DGKZ: variants seen among roughly 807,000 people sequenced by gnomAD.
DGKZ encodes the protein diacylglycerol kinase zeta.
Under a neutral mutation model 142.5 loss-of-function variants are expected in DGKZ, and 45 were observed. The observed-to-expected ratio is 0.32, with a 90% confidence interval of 0.25 to 0.40. DGKZ has a LOEUF of 0.40. Ranked by LOEUF, DGKZ falls within the 10% of genes least tolerant of loss-of-function variation. The probability of loss-of-function intolerance (pLI) is 1.00; values close to 1 mark genes in which losing one functional copy is unlikely to be tolerated. For synonymous variants in DGKZ, 442 were observed against 527.0 expected (o/e 0.84, Z 2.21); for missense variants, 755 against 1,306.5 (o/e 0.58, Z 6.51).
rs76583617 is a variant in DGKZ, at chr11:46,379,558, C to G, written c.2678C>G (p.Thr893Arg). 9,407 of 1,609,084 alleles carry G rather than the reference C, an allele frequency of 5.8e-3. 42 individuals carry two copies. The highest frequency in any genetic ancestry group is 7.2e-3 in the Non-Finnish European group (8,516 of 1,178,346). The change falls in exon 30 of 31, where the codon ACA (threonine) becomes AGA (arginine). Residue 893 changes from threonine (T) to arginine (R), a missense_variant. Physicochemically the swap from Thr to Arg is moderately conservative, Grantham distance 71. Around this residue, in one of 8 missense-constraint regions of DGKZ, gnomAD observed 100 missense variants for 87.7 expected, o/e 1.14. Transcript: ENST00000527911. ...GAGGCCGGGGCCTCGCTCATGAAGA[C>G]AGACCAGCAGGTGAGCAGACGGCAG... is the stretch of plus-strand genomic sequence containing the variant.
At chr11:46,349,362 G>A (rs1212140993) in intron 1 of DGKZ, among the ~76,000 whole-genome samples, 1 of 152,172 alleles carries the variant, frequency 6.6e-6, no homozygotes, top group Non-Finnish European at 1.5e-5. Context: ...CGCCACCAGA[G>A]GCTTCCTGTT....
rs574786990 is a variant in DGKZ, at chr11:46,376,009, C to T, written c.2012-57C>T. The stretch of plus-strand genomic sequence containing the variant: ...CAGGAGGGGCTGAAGCAGCCGGGGC[C>T]CCCTTGGGCAGGGCTGTGGGGTGCA... On this transcript the variant is annotated intron_variant, in intron 21 of 30. Coordinates refer to ENST00000527911, the Ensembl canonical transcript of DGKZ. 9.3e-4 allele frequency: 1,500 copies of T among 1,611,800 alleles called. 28 individuals carry two copies. In the South Asian group the frequency reaches 0.016, roughly 17 times the overall value.
intron 1 of DGKZ, among the ~76,000 whole-genome samples, chr11:46,339,337 A>G (rs1463228361): frequency 6.6e-6 from 1 of 152,240 alleles, no homozygotes; most frequent in Non-Finnish European, 1.5e-5. Flanking sequence ...TGAATTAACA[A>G]TGCAAAACCA....
chr11:46,366,283 C>A, intron 1 of DGKZ: 2 of 1,583,566 alleles, frequency 1.3e-6, no homozygotes. Flanking sequence ...GGAGACATTT[C>A]CGGGGGAAGG....
chr11:46,358,197 C>T (rs781126413), intron 1 of DGKZ, among the ~76,000 whole-genome samples: 10 of 152,168 alleles, frequency 6.6e-5, no homozygotes, highest in Non-Finnish European at 1.5e-4. Flanking sequence ...CGAATCTAGG[C>T]AGGGGCCCCA....
chr11:46,354,215 C>T (rs921178765), intron 1 of DGKZ, among the ~76,000 whole-genome samples: 13 of 152,224 alleles, frequency 8.5e-5, no homozygotes, highest in African/African-American at 2.4e-4. Context: ...GACACAGGAT[C>T]TCCCTCTGTC....
rs1193459251 is a variant in DGKZ at position 46,366,960 on chromosome 11, CCCAGGCCT to C, written c.162-330_162-323del. 3.3e-6 allele frequency: 5 copies of C among 1,536,220 alleles called. No homozygotes were observed. In the African/African-American group the frequency reaches 6.8e-5, roughly 21 times the overall value. The stretch of plus-strand genomic sequence containing the variant: ...GCCCTACGGCGCAAGGCGGCCGGAC[CCCAGGCCT>C]GGAGCGCCCTGCTCGCGTAGGTATA... On this transcript the variant is annotated intron_variant, in intron 1 of 30. Coordinates refer to ENST00000527911, the Ensembl canonical transcript of DGKZ.
upstream of DGKZ, among the ~76,000 whole-genome samples, chr11:46,346,046 T>A (rs1940578799): frequency 6.6e-6 from 1 of 152,210 alleles, no homozygotes; most frequent in African/African-American, 2.4e-5. Flanking sequence ...CTGGCCACCC[T>A]GGCACCAGCT....
chr11:46,339,050 C>A (rs750164546), intron 1 of DGKZ, among the ~76,000 whole-genome samples: 1 of 152,150 alleles, frequency 6.6e-6, no homozygotes, highest in South Asian at 2.1e-4. Flanking sequence ...GCTGAGCATG[C>A]GCGCATGTCC....
chr11:46,376,756 C>T, intron 24 of DGKZ, 192 bp downstream of exon 24: 1 of 814,082 alleles, frequency 1.2e-6, no homozygotes, highest in Non-Finnish European at 1.9e-6. Context: ...TAGGGCGGTG[C>T]CAGCCAGAAA....
exon 1 of DGKZ, chr11:46,333,316 G>C (rs2136370335): frequency 3.0e-6 from 4 of 1,323,854 alleles, no homozygotes; most frequent in Admixed American, 8.3e-5. Context: ...CGCTGGGACT[G>C]GGCTGGCGGC....
intron 1 of DGKZ, among the ~76,000 whole-genome samples, chr11:46,352,919 C>A (rs1318178836): frequency 6.6e-6 from 1 of 152,210 alleles, no homozygotes; most frequent in Admixed American, 6.5e-5. Flanking sequence ...CCAAAACTAA[C>A]CAAATGCCCT....
At position 46,372,268 on chromosome 11, in the gene DGKZ, C is replaced by G; in HGVS notation, c.927+98C>G. The stretch of plus-strand genomic sequence containing the variant: ...TCCCAGAGCCCGTTTCTGGCTTCTA[C>G]CCCAATCCCTCTTTCCCAGGGATCC... On this transcript the variant is annotated intron_variant, in intron 10 of 30. Coordinates refer to ENST00000527911, the Ensembl canonical transcript of DGKZ. This position sits in a 1 kb window ranked among gnomAD's most constrained non-coding sequence, Gnocchi z 5.9. 1.5e-6 allele frequency: 2 copies of G among 1,360,506 alleles called. No individual in the cohort carries two copies. The highest frequency in any genetic ancestry group is 2.0e-6 in the Non-Finnish European group (2 of 988,122). The allele number at this position is 1,360,506 out of a possible 1,614,324, so 84.3% of individuals were successfully genotyped here.
chr11:46,366,947 A>C (rs1438728045), intron 1 of DGKZ: 2 of 1,538,448 alleles, frequency 1.3e-6, no homozygotes, highest in East Asian at 2.4e-5. Flanking sequence ...CCTACGGCGC[A>C]AGGCGGCCGG....
upstream of DGKZ, among the ~76,000 whole-genome samples, chr11:46,346,266 G>C (rs115404859): frequency 3.2e-3 from 486 of 152,362 alleles, 7 homozygotes; most frequent in African/African-American, 0.011. Flanking sequence ...TGAAAGCGAA[G>C]GTGACACAGG....
rs1471156338 is a variant in DGKZ, at chr11:46,367,773, C to T, written c.366+26C>T. On this transcript the variant is annotated intron_variant, in intron 3 of 30. Coordinates refer to ENST00000527911, the Ensembl canonical transcript of DGKZ. This position sits in a 1 kb window ranked among gnomAD's most constrained non-coding sequence, Gnocchi z 4.1. ...GTGAGTGCTCGTAGGGGCACGCCGC[C>T]CCCTGCTGGTGGAGCCAGTAGCCGC... 6.2e-7 allele frequency: 1 copy of T among 1,611,752 alleles called. No homozygotes were observed. The highest frequency in any genetic ancestry group is 2.2e-5 in the East Asian group (1 of 44,860).
chr11:46,365,765 A>C lies in DGKZ; in HGVS notation c.162-1526A>C, dbSNP rs971520679. The C allele has an allele frequency of 4.1e-6, 4 of 985,348 alleles. No homozygotes were observed. In the African/African-American group the frequency reaches 5.2e-5, roughly 13 times the overall value. 61.0% of individuals were successfully genotyped at this position (985,348 alleles called of 1,614,324 possible). On this transcript the variant is annotated intron_variant, in intron 1 of 30. Transcript: ENST00000527911. ...CCTGCCCCCACCATGTTGGTGGCAAAACAAAGGCCCAGCAAGTGGGAAGCC... is the reference window on the plus strand; with the variant it reads ...CCTGCCCCCACCATGTTGGTGGCAACACAAAGGCCCAGCAAGTGGGAAGCC...
intron 1 of DGKZ, among the ~76,000 whole-genome samples, chr11:46,354,238 G>A (rs1429831428): frequency 6.6e-6 from 1 of 152,234 alleles, no homozygotes; most frequent in Non-Finnish European, 1.5e-5. Context: ...CCAGGCTGGA[G>A]TGCAGTGGCA....
intron 6 of DGKZ, 70 bp from the exon 7 acceptor site, chr11:46,371,243 G>A: frequency 6.8e-7 from 1 of 1,465,882 alleles, no homozygotes; most frequent in Non-Finnish European, 9.5e-7. Context: ...AGAGAGGCTG[G>A]CACCAGGAGA....
Sources: gnomAD v4.1 joint callset for allele counts (sites outside exome capture counted in the v4.1 genomes callset) on GRCh38, gnomAD v4.1.1 for gene constraint, gnomAD v4.1.1 regional missense constraint, Gnocchi (gnomAD v3.1) non-coding constraint, MANE v1.5 for transcripts, NCBI Gene and HGNC (gene_info 2026-07-23, HGNC 2026-07-21) for gene names.